STXBP5L: variants seen among roughly 807,000 people sequenced by gnomAD.
STXBP5L encodes syntaxin binding protein 5L.
A neutral mutation model predicts 144.5 loss-of-function variants in STXBP5L; 65 were observed. That is an observed-to-expected ratio of 0.45 (90% CI 0.37 to 0.55). STXBP5L has a LOEUF of 0.55. Ranked by LOEUF, STXBP5L falls within the 20% of genes least tolerant of loss-of-function variation. The pLI, the probability that STXBP5L is intolerant of heterozygous loss-of-function variation, is 0.00. For synonymous variants in STXBP5L, 505 were observed against 469.6 expected, an observed-to-expected ratio of 1.08 and a Z score of -0.97; for missense variants, 1,298 against 1,405.5, an observed-to-expected ratio of 0.92 and a Z score of 1.22.
rs141120040 is a variant in STXBP5L, at chr3:121,422,247, T to C, written c.*3150T>C. On this transcript the variant is annotated 3_prime_UTR_variant, in exon 27 of 27. Transcript: ENST00000471454. ...TTTCGGAACATAAGAAAAATACTCC[T>C]AATAACTTGGACAATGATACAGAAA... 1.7e-4 allele frequency: 26 copies of C among 152,262 alleles called. No homozygotes were observed. The highest frequency in any genetic ancestry group is 6.3e-4 in the African/African-American group (26 of 41,550). 9.4% of individuals were successfully genotyped at this position (152,262 alleles called of 1,614,324 possible). A position where few individuals can be genotyped will look rare whatever the true frequency, so the allele number is the denominator to read the frequency against.
intron 3 of STXBP5L, among the ~76,000 whole-genome samples, chr3:120,986,732 A>G (rs1250889409): frequency 6.6e-6 from 1 of 152,018 alleles, no homozygotes; most frequent in Non-Finnish European, 1.5e-5. Flanking sequence ...TATAAGCAAA[A>G]TGGAAATATT....
chr3:121,344,533 A>G (rs1406302133), intron 20 of STXBP5L, among the ~76,000 whole-genome samples: 1 of 152,124 alleles, frequency 6.6e-6, no homozygotes, highest in African/African-American at 2.4e-5. Context: ...GACAGGTGCT[A>G]TTTAATTCAT....
intron 22 of STXBP5L, among the ~76,000 whole-genome samples, chr3:121,401,368 A>G (rs1386582402): frequency 2.0e-5 from 3 of 151,492 alleles, no homozygotes; most frequent in Admixed American, 1.3e-4. Context: ...TAGAAATACC[A>G]TTTGACCCAG....
chr3:121,113,672 C>CT (rs1231857211), intron 5 of STXBP5L, among the ~76,000 whole-genome samples: 20,969 of 122,656 alleles, frequency 0.17, 1,978 homozygotes, highest in Middle Eastern at 0.2. Context: ...TTTTCTTTTT[C>CT]TTTTTTTTTT....
chr3:121,092,147 A>G (rs61795513), intron 5 of STXBP5L, among the ~76,000 whole-genome samples: 15,412 of 152,214 alleles, frequency 0.1, 1,026 homozygotes, highest in Non-Finnish European at 0.15. Flanking sequence ...TTTTGGTACC[A>G]GTACCATGCT....
At chr3:121,060,330 T>C (rs1422533325) in intron 5 of STXBP5L, among the ~76,000 whole-genome samples, 2 of 152,166 alleles carry the variant, frequency 1.3e-5, no homozygotes, top group Admixed American at 6.5e-5. Context: ...GCTGACTTGA[T>C]TGTGGTGGAT....
chr3:121,126,804 A>G lies in STXBP5L; in HGVS notation c.669+5100A>G, dbSNP rs74648285. Among the ~76,000 whole-genome samples, 474 of 152,286 alleles carry G rather than the reference A, an allele frequency of 3.1e-3. 4 individuals carry two copies. The highest frequency in any genetic ancestry group is 0.011 in the African/African-American group (445 of 41,574). On this transcript the variant is annotated intron_variant, in intron 7 of 26. Coordinates refer to ENST00000471454, the MANE Select transcript of STXBP5L (RefSeq NM_001308330.2). ...AAAATCAAGGTATCTGCAGGGTTGC[A>G]TTCCTTTTTAGTAATTCTAGAAGAT...
intron 3 of STXBP5L, among the ~76,000 whole-genome samples, chr3:120,962,931 T>C (rs1190028363): frequency 1.3e-5 from 2 of 152,240 alleles, no homozygotes; most frequent in Non-Finnish European, 2.9e-5. Context: ...TCCATTTGTT[T>C]GTGTCCTCTT....
At chr3:121,169,446 T>A (rs911926000) in intron 9 of STXBP5L, among the ~76,000 whole-genome samples, 2 of 152,090 alleles carry the variant, frequency 1.3e-5, no homozygotes, top group African/African-American at 4.8e-5. Flanking sequence ...AGGAAACCCA[T>A]CTCAGGTGCT....
chr3:120,966,451 A>G (rs562344689), intron 3 of STXBP5L, among the ~76,000 whole-genome samples: 108 of 152,244 alleles, frequency 7.1e-4, no homozygotes, highest in African/African-American at 2.5e-3. Flanking sequence ...CTGGTGACCT[A>G]GAGATGGGGT....
chr3:121,239,921 A>C (rs1381861855), intron 13 of STXBP5L, among the ~76,000 whole-genome samples: 1 of 152,062 alleles, frequency 6.6e-6, no homozygotes, highest in African/African-American at 2.4e-5. Context: ...CTAGTTTATA[A>C]TTAATTAATG....
intron 22 of STXBP5L, among the ~76,000 whole-genome samples, chr3:121,384,677 A>G (rs1378076175): frequency 6.6e-6 from 1 of 152,060 alleles, no homozygotes; most frequent in Admixed American, 6.6e-5. Flanking sequence ...AAGACTACCT[A>G]GTAGATTATT....
At chr3:120,983,148 C>T (rs1244528968) in intron 3 of STXBP5L, among the ~76,000 whole-genome samples, 1 of 152,186 alleles carries the variant, frequency 6.6e-6, no homozygotes, top group Non-Finnish European at 1.5e-5. Context: ...CTGCTTCTTT[C>T]TGGCCTGAGG....
intron 5 of STXBP5L, among the ~76,000 whole-genome samples, chr3:121,062,012 G>T (rs2041306739): frequency 6.6e-6 from 1 of 152,168 alleles, no homozygotes; most frequent in Non-Finnish European, 1.5e-5. Flanking sequence ...TCATTATGAA[G>T]CTAGCTGGTT....
chr3:121,303,866 C>T (rs533330416), intron 19 of STXBP5L, among the ~76,000 whole-genome samples: 289 of 150,224 alleles, frequency 1.9e-3, no homozygotes, highest in Non-Finnish European at 3.1e-3. Context: ...CATCACACCC[C>T]GGGGCCTGTT....
At chr3:120,936,709 A>G (rs1477206753) in intron 2 of STXBP5L, among the ~76,000 whole-genome samples, 1 of 151,730 alleles carries the variant, frequency 6.6e-6, no homozygotes, top group East Asian at 1.9e-4. Flanking sequence ...TCCCGGGTTT[A>G]TGCCATTCTC....
At position 121,050,652 on chromosome 3, in the gene STXBP5L, A is replaced by G. The variant is rs374126145; in HGVS notation, c.470+5117A>G. ...AATATGCCAAAATGTAAAGACCATC[A>G]AGGCTAGGAAGAAACTGCATCAACT... On this transcript the variant is annotated intron_variant, in intron 5 of 26. Coordinates refer to ENST00000471454, the MANE Select transcript of STXBP5L (RefSeq NM_001308330.2). Among the ~76,000 whole-genome samples, 7 of 152,298 alleles carry G rather than the reference A, an allele frequency of 4.6e-5. 1 individual carries two copies. Among genetic ancestry groups the G allele is most frequent in the African/African-American group, 1.4e-4 (6 of 41,560 alleles).
chr3:121,005,078 G>T (rs904689956), intron 3 of STXBP5L, among the ~76,000 whole-genome samples: 1 of 152,132 alleles, frequency 6.6e-6, no homozygotes, highest in African/African-American at 2.4e-5. Context: ...AATGAGTTAG[G>T]GAGGATTCCC....
intron 2 of STXBP5L, among the ~76,000 whole-genome samples, chr3:120,952,924 G>A (rs1256576673): frequency 6.6e-6 from 1 of 151,836 alleles, no homozygotes; most frequent in African/African-American, 2.4e-5. Flanking sequence ...TAAGCCTCCA[G>A]AGTATCTGAG....
Sources: gnomAD v4.1 joint callset for allele counts (sites outside exome capture counted in the v4.1 genomes callset) on GRCh38, gnomAD v4.1.1 for gene constraint, MANE v1.5 for transcripts, NCBI Gene and HGNC (gene_info 2026-07-23, HGNC 2026-07-21) for gene names.